MTUS2: variants seen among roughly 807,000 people sequenced by gnomAD.
MTUS2 encodes microtubule associated scaffold protein 2.
MTUS2 carries 40 observed loss-of-function variants against 114.1 expected under a neutral mutation model. The observed-to-expected ratio is 0.35, with a 90% CI of 0.27 to 0.46. The LOEUF is 0.46. Among genes scored for constraint, MTUS2 ranks in the 20% least tolerant of loss-of-function variants. The pLI, the probability that MTUS2 is intolerant of heterozygous loss-of-function variation, is 1.00. For synonymous variants in MTUS2, 688 were observed against 672.0 expected, an observed-to-expected ratio of 1.02 and a Z score of -0.37; for missense variants, 1,679 against 1,705.4, an observed-to-expected ratio of 0.98 and a Z score of 0.27.
At chr13:28,985,219 A>T (rs1341101913) in intron 2 of MTUS2, among the ~76,000 whole-genome samples, 2 of 152,228 alleles carry the variant, frequency 1.3e-5, no homozygotes, top group African/African-American at 4.8e-5. Flanking sequence ...TTTTAACATT[A>T]AGACAGAAAA....
intron 5 of MTUS2, among the ~76,000 whole-genome samples, chr13:29,188,110 G>A (rs1014168361): frequency 8.5e-5 from 13 of 152,132 alleles, no homozygotes; most frequent in African/African-American, 3.1e-4. Flanking sequence ...TAGGGATCAG[G>A]AATCTGTAAT....
At chr13:29,043,116 A>G (rs1233132051) in intron 4 of MTUS2, among the ~76,000 whole-genome samples, 2 of 151,738 alleles carry the variant, frequency 1.3e-5, no homozygotes, top group Non-Finnish European at 3.0e-5. Context: ...CTGTATCCCA[A>G]AGCTTTTCAT....
intron 4 of MTUS2, among the ~76,000 whole-genome samples, chr13:29,090,360 C>G (rs576346429): frequency 7.0e-4 from 106 of 152,230 alleles, no homozygotes; most frequent in African/African-American, 2.5e-3. Flanking sequence ...GGGCTGCCAG[C>G]AAAAGTGCTC....
At chr13:29,422,629 T>G (rs1341640349) in intron 8 of MTUS2, among the ~76,000 whole-genome samples, 2 of 151,138 alleles carry the variant, frequency 1.3e-5, no homozygotes, top group Admixed American at 1.3e-4. Context: ...CATAAGCCTG[T>G]GATGTCATGA....
intron 2 of MTUS2, among the ~76,000 whole-genome samples, chr13:28,946,033 A>C (rs2138152657): frequency 6.6e-6 from 1 of 152,186 alleles, no homozygotes; most frequent in East Asian, 1.9e-4. Flanking sequence ...ATAGATATGT[A>C]AAAGGGAGTT....
chr13:28,865,677 A>T (rs1017524825), intron 2 of MTUS2, among the ~76,000 whole-genome samples: 2 of 152,166 alleles, frequency 1.3e-5, no homozygotes, highest in African/African-American at 4.8e-5. Context: ...AATCTTCTGC[A>T]CCATGGATGG....
chr13:29,345,964 G>A (rs1171037291), intron 7 of MTUS2, among the ~76,000 whole-genome samples: 1 of 152,174 alleles, frequency 6.6e-6, no homozygotes, highest in Non-Finnish European at 1.5e-5. Flanking sequence ...CCAGGCTCCA[G>A]GCTGGTACTG....
chr13:28,860,242 A>C (rs1876884782), intron 2 of MTUS2, among the ~76,000 whole-genome samples: 1 of 152,176 alleles, frequency 6.6e-6, no homozygotes, highest in African/African-American at 2.4e-5. Flanking sequence ...CTGTGAAAAC[A>C]TGCAAATGAC....
intron 7 of MTUS2, among the ~76,000 whole-genome samples, chr13:29,352,649 A>T (rs1313384602): frequency 1.3e-5 from 2 of 152,148 alleles, no homozygotes; most frequent in African/African-American, 4.8e-5. Flanking sequence ...CATTTAGTAT[A>T]ATGTTTTTAA....
chr13:29,347,531 A>T (rs965207249), intron 7 of MTUS2, among the ~76,000 whole-genome samples: 2 of 79,854 alleles, frequency 2.5e-5, no homozygotes, highest in Non-Finnish European at 5.1e-5. Context: ...TTGGATGATT[A>T]AAAAAAAAAC....
intron 1 of MTUS2, among the ~76,000 whole-genome samples, chr13:28,826,790 G>T (rs78558779): frequency 0.033 from 5,011 of 152,282 alleles, 223 homozygotes; most frequent in African/African-American, 0.098. Flanking sequence ...GGAATATATA[G>T]CCTTGGATTA....
chr13:28,947,509 G>T (rs1428720027), intron 2 of MTUS2, among the ~76,000 whole-genome samples: 1 of 152,150 alleles, frequency 6.6e-6, no homozygotes, highest in African/African-American at 2.4e-5. Context: ...GGTCTTCAAA[G>T]TGTCTACCAA....
At chr13:29,193,934 A>AC (rs1404177681) in intron 5 of MTUS2, among the ~76,000 whole-genome samples, 1 of 152,156 alleles carries the variant, frequency 6.6e-6, no homozygotes, top group African/African-American at 2.4e-5. Flanking sequence ...CTCAGAAATA[A>AC]CGCCGCATAT....
intron 9 of MTUS2, among the ~76,000 whole-genome samples, chr13:29,448,483 C>CT (rs990354517): frequency 1.3e-5 from 2 of 151,936 alleles, no homozygotes; most frequent in African/African-American, 2.4e-5. Flanking sequence ...GGGGAAATGT[C>CT]TTTTTTTTCC....
At chr13:29,368,359 T>G (rs573834369) in intron 8 of MTUS2, among the ~76,000 whole-genome samples, 6 of 152,224 alleles carry the variant, frequency 3.9e-5, no homozygotes, top group East Asian at 1.9e-4. Context: ...AATTGCTGCT[T>G]CTTTTACATT....
At chr13:29,448,056 C>T (rs1878414918) in intron 9 of MTUS2, among the ~76,000 whole-genome samples, 1 of 152,050 alleles carries the variant, frequency 6.6e-6, no homozygotes, top group Non-Finnish European at 1.5e-5. Context: ...TTGTTTACTG[C>T]CATCAGGTAG....
Position 29,480,455 on chromosome 13 carries a change from T to G in MTUS2, c.3399+91T>G. On this transcript the variant is annotated intron_variant, in intron 10 of 15. Coordinates refer to ENST00000612955, the MANE Select transcript of MTUS2 (RefSeq NM_001033602.4). The surrounding 1 kb of genome is among the most constrained non-coding windows in gnomAD (Gnocchi z 4.4). ...GTGCCACATTAGCAAGAAGTCCTAT[T>G]CAGTAGGTGAGCTTTCTGAACAGTT... is the stretch of plus-strand genomic sequence containing the variant. 1 of 1,324,918 alleles carries G rather than the reference T, an allele frequency of 7.5e-7. No individual in the cohort carries two copies. 82.1% of individuals were successfully genotyped at this position (1,324,918 alleles called of 1,614,324 possible).
chr13:29,433,970 C>G (rs1389214976), intron 8 of MTUS2, among the ~76,000 whole-genome samples: 1 of 152,000 alleles, frequency 6.6e-6, no homozygotes, highest in Non-Finnish European at 1.5e-5. Context: ...TGTTGTGGTT[C>G]GATGGTTTAG....
intron 5 of MTUS2, among the ~76,000 whole-genome samples, chr13:29,202,818 C>T (rs1895016647): frequency 6.6e-6 from 1 of 152,180 alleles, no homozygotes; most frequent in Non-Finnish European, 1.5e-5. Context: ...CCCTGTTTGC[C>T]TGGGTATCAC....
Sources: gnomAD v4.1 joint callset for allele counts (sites outside exome capture counted in the v4.1 genomes callset) on GRCh38, gnomAD v4.1.1 for gene constraint, Gnocchi (gnomAD v3.1) non-coding constraint, MANE v1.5 for transcripts, NCBI Gene and HGNC (gene_info 2026-07-23, HGNC 2026-07-21) for gene names.